The following CTNNA2 variants were observed in gnomAD, a reference collection of about 807,000 sequenced individuals.
The protein encoded by CTNNA2 is catenin alpha-2.
In CTNNA2, 42 loss-of-function variants were observed where a neutral mutation model predicts 101.0. The observed-to-expected ratio is 0.42, with a 90% CI of 0.32 to 0.54. The LOEUF is 0.54. Ranked by LOEUF, CTNNA2 falls within the 20% of genes least tolerant of loss-of-function variation. The pLI is 0.14. For missense variants in CTNNA2, 871 were observed against 1,223.1 expected (o/e 0.71, Z 4.29); for synonymous variants, 450 against 456.4 (o/e 0.99, Z 0.18).
intron 7 of CTNNA2, among the ~76,000 whole-genome samples, chr2:79,984,589 A>C (rs538433550): frequency 6.6e-6 from 1 of 152,200 alleles, no homozygotes; most frequent in Non-Finnish European, 1.5e-5. Flanking sequence ...AGGAAATGCA[A>C]CCGGGTTGAG....
At chr2:80,474,151 T>C (rs1685531513) in intron 9 of CTNNA2, among the ~76,000 whole-genome samples, 2 of 152,206 alleles carry the variant, frequency 1.3e-5, no homozygotes, top group South Asian at 2.1e-4. Flanking sequence ...AAAATCTATG[T>C]TTTAACAACA....
chr2:79,242,730 G>A (rs1005538880), intron 2 of CTNNA2, among the ~76,000 whole-genome samples: 32 of 152,038 alleles, frequency 2.1e-4, no homozygotes, highest in African/African-American at 7.5e-4. Context: ...CACCGTGGGA[G>A]GAGAATATGG....
intron 7 of CTNNA2, among the ~76,000 whole-genome samples, chr2:80,251,203 A>ATCTAT (rs1671738666): frequency 6.6e-6 from 1 of 152,176 alleles, no homozygotes. Context: ...CTTGGTGTCC[A>ATCTAT]TCTAGTCCAT....
At chr2:80,325,734 T>G (rs569636958) in intron 7 of CTNNA2, among the ~76,000 whole-genome samples, 36 of 152,278 alleles carry the variant, frequency 2.4e-4, no homozygotes, top group African/African-American at 8.2e-4. Context: ...GAATTTAGCT[T>G]GAATATTCAT....
intron 18 of CTNNA2, among the ~76,000 whole-genome samples, chr2:80,643,537 T>TAGGAATATAA (rs1485090253): frequency 2.0e-5 from 3 of 152,146 alleles, no homozygotes; most frequent in Admixed American, 2.0e-4. Flanking sequence ...GGATATCCTA[T>TAGGAATATAA]AGGAATATAA....
intron 1 of CTNNA2, among the ~76,000 whole-genome samples, chr2:79,561,063 C>T (rs560121204): frequency 2.5e-4 from 38 of 152,004 alleles, no homozygotes; most frequent in Non-Finnish European, 4.7e-4. Flanking sequence ...CCAAAAGAAA[C>T]CCCATACATA....
At chr2:79,476,635 T>TCTA in intron 4 of CTNNA2, among the ~76,000 whole-genome samples, 1 of 152,202 alleles carries the variant, frequency 6.6e-6, no homozygotes, top group Non-Finnish European at 1.5e-5. Flanking sequence ...ACTGCCAACT[T>TCTA]GACTTCTATC....
intron 4 of CTNNA2, among the ~76,000 whole-genome samples, chr2:79,431,506 T>A (rs1678658789): frequency 6.6e-6 from 1 of 152,136 alleles, no homozygotes. Context: ...AGAAAACTAT[T>A]CGCTCTTAAA....
intron 4 of CTNNA2, among the ~76,000 whole-genome samples, chr2:79,388,764 C>A (rs552657220): frequency 6.6e-6 from 1 of 151,856 alleles, no homozygotes; most frequent in African/African-American, 2.4e-5. Flanking sequence ...GGTCACCATC[C>A]TTTTTCTTTC....
chr2:80,110,667 T>C (rs941300867), intron 7 of CTNNA2, among the ~76,000 whole-genome samples: 6 of 152,194 alleles, frequency 3.9e-5, no homozygotes, highest in Admixed American at 2.0e-4. Context: ...CATAGCTACT[T>C]GGAGCCTCAG....
chr2:80,562,008 G>C (rs973674773), intron 12 of CTNNA2, among the ~76,000 whole-genome samples: 1 of 151,906 alleles, frequency 6.6e-6, no homozygotes, highest in Admixed American at 6.6e-5. Flanking sequence ...CTGTCCAGGA[G>C]GTAGCCAAGT....
At chr2:80,374,343 A>G (rs1675722250) in intron 7 of CTNNA2, among the ~76,000 whole-genome samples, 1 of 152,124 alleles carries the variant, frequency 6.6e-6, no homozygotes, top group Admixed American at 6.6e-5. Context: ...TAATTTGCTT[A>G]CGATAATGGC....
intron 7 of CTNNA2, among the ~76,000 whole-genome samples, chr2:80,100,912 G>GT (rs1203153973): frequency 3.3e-5 from 5 of 151,940 alleles, no homozygotes; most frequent in Non-Finnish European, 7.4e-5. Context: ...CTAACTTCCA[G>GT]TTGTCAGTCT....
chr2:79,246,182 A>G (rs13398177), intron 2 of CTNNA2, among the ~76,000 whole-genome samples: 1,783 of 152,226 alleles, frequency 0.012, 27 homozygotes, highest in African/African-American at 0.04. Flanking sequence ...GTCTTTTACC[A>G]TTGCTGGGTC....
At chr2:79,302,099 CAAAT>C (rs202007518) in intron 2 of CTNNA2, among the ~76,000 whole-genome samples, 13 of 151,464 alleles carry the variant, frequency 8.6e-5, no homozygotes, top group South Asian at 2.1e-4. Flanking sequence ...TCTCAATAAA[CAAAT>C]AAATAAATAA....
chr2:80,365,766 A>C (rs1674870804), intron 7 of CTNNA2, among the ~76,000 whole-genome samples: 1 of 152,302 alleles, frequency 6.6e-6, no homozygotes, highest in Middle Eastern at 3.4e-3. Flanking sequence ...TGGTTTAATT[A>C]GTTTTTAGAT....
At chr2:79,792,854 G>A (rs942138611) in intron 3 of CTNNA2, among the ~76,000 whole-genome samples, 11 of 152,240 alleles carry the variant, frequency 7.2e-5, no homozygotes, top group Admixed American at 1.3e-4. Context: ...TGATAAAAAC[G>A]TATATATGCA....
At chr2:80,456,680 C>T (rs1684004830) in intron 9 of CTNNA2, among the ~76,000 whole-genome samples, 3 of 152,110 alleles carry the variant, frequency 2.0e-5, no homozygotes, top group Admixed American at 2.0e-4. Context: ...AGCTACATGG[C>T]CTTAGACAGG....
chr2:79,425,135 C>T (rs1292410224), intron 4 of CTNNA2, among the ~76,000 whole-genome samples: 1 of 152,128 alleles, frequency 6.6e-6, no homozygotes, highest in Admixed American at 6.6e-5. Context: ...TTGCCACTGC[C>T]TTCACTCTAA....
Sources: allele counts gnomAD v4.1 joint callset (sites outside exome capture counted in the v4.1 genomes callset), GRCh38; gene constraint gnomAD v4.1.1; transcripts MANE v1.5; gene names NCBI Gene and HGNC (gene_info 2026-07-23, HGNC 2026-07-21).